Variants in IL1RAPL1 observed in about 807,000 individuals in gnomAD.
IL1RAPL1 encodes the protein interleukin 1 receptor accessory protein like 1.
A neutral mutation model predicts 48.4 loss-of-function variants in IL1RAPL1; 3 were observed. The observed-to-expected ratio is 0.06, with a 90% CI of 0.03 to 0.16. The LOEUF (loss-of-function observed/expected upper bound fraction) is 0.16. Among genes scored for constraint, IL1RAPL1 ranks in the 10% least tolerant of loss-of-function variants. The pLI is 1.00. For synonymous variants in IL1RAPL1, 185 were observed against 187.7 expected (o/e 0.99, Z 0.12); for missense variants, 349 against 530.6 (o/e 0.66, Z 3.36).
At chrX:28,905,905 A>G (rs770183495) in intron 2 of IL1RAPL1, among the ~76,000 whole-genome samples, 41 of 111,938 alleles carry the variant, frequency 3.7e-4, no homozygotes, top group Non-Finnish European at 9.4e-5. Context: ...GTGAAAACTG[A>G]AAGAAGGCAA....
At chrX:29,195,551 T>G (rs775761132) in intron 2 of IL1RAPL1, among the ~76,000 whole-genome samples, 1 of 96,202 alleles carries the variant, frequency 1.0e-5, no homozygotes, top group East Asian at 3.4e-4. Context: ...TTTATCTAAC[T>G]AATTACTTTT....
At chrX:29,061,861 C>G (rs749243218) in intron 2 of IL1RAPL1, among the ~76,000 whole-genome samples, 5 of 112,339 alleles carry the variant, frequency 4.5e-5, no homozygotes, top group Non-Finnish European at 7.5e-5. Context: ...GTTGTCATTT[C>G]AAAACCAAAG....
intron 2 of IL1RAPL1, among the ~76,000 whole-genome samples, chrX:29,214,157 A>C (rs1284101712): frequency 8.9e-6 from 1 of 111,773 alleles, no homozygotes; most frequent in Non-Finnish European, 1.9e-5. Context: ...GCACATGTGT[A>C]CATTTTGTGT....
rs1034318428 is a variant in IL1RAPL1, at chrX:29,758,780, A to AAAAAC, written c.778+90291_778+90295dup. Among the ~76,000 whole-genome samples the AAAAAC allele has an allele frequency of 8.1e-5, 9 of 111,394 alleles. No individual in the cohort carries two copies. In the South Asian group the frequency reaches 3.0e-3, roughly 37 times the overall value. Reference sequence around the variant, plus strand: ...AGTATTGGCCATTATTCCTAATGTAAAAAACAAAACAAAACAAAAAAACAA... The same window carrying AAAAAC: ...AGTATTGGCCATTATTCCTAATGTAAAAAACAAAACAAAACAAAACAAAAAAACAA... On this transcript the variant is annotated intron_variant, in intron 6 of 10. Coordinates refer to ENST00000378993, the MANE Select transcript of IL1RAPL1 (RefSeq NM_014271.4).
intron 6 of IL1RAPL1, among the ~76,000 whole-genome samples, chrX:29,832,007 A>AC (rs1215184670): frequency 2.7e-5 from 3 of 111,684 alleles, no homozygotes; most frequent in Non-Finnish European, 5.6e-5. Flanking sequence ...AATGCTGTCA[A>AC]CCCGTGGGAC....
intron 2 of IL1RAPL1, among the ~76,000 whole-genome samples, chrX:28,834,356 G>GT (rs1338873870): frequency 9.0e-6 from 1 of 111,154 alleles, no homozygotes; most frequent in Non-Finnish European, 1.9e-5. Flanking sequence ...TCTTTATTGA[G>GT]TTTTTTCACA....
intron 1 of IL1RAPL1, among the ~76,000 whole-genome samples, chrX:28,626,175 ATC>A (rs1042615270): frequency 3.3e-4 from 37 of 112,402 alleles, no homozygotes; most frequent in Admixed American, 1.1e-3. Flanking sequence ...CTACACAGAT[ATC>A]TCTTTTTGTA....
intron 2 of IL1RAPL1, among the ~76,000 whole-genome samples, chrX:29,250,317 G>A (rs915945641): frequency 2.7e-5 from 3 of 112,271 alleles, no homozygotes; most frequent in Non-Finnish European, 5.6e-5. Flanking sequence ...TATTTGATGA[G>A]CATCCTGGGG....
At chrX:29,460,366 T>G (rs1341508645) in intron 5 of IL1RAPL1, among the ~76,000 whole-genome samples, 3 of 112,279 alleles carry the variant, frequency 2.7e-5, no homozygotes, top group Middle Eastern at 4.6e-3. Flanking sequence ...GACATTCACA[T>G]TTGCTGGGCG....
chrX:29,323,740 T>TATATAAA (rs1932823330), intron 3 of IL1RAPL1, among the ~76,000 whole-genome samples: 1 of 22,157 alleles, frequency 4.5e-5, no homozygotes, highest in African/African-American at 3.3e-4. Context: ...TATATATATA[T>TATATAAA]ATATATATAT....
chrX:28,782,007 T>C (rs1456985067), intron 1 of IL1RAPL1, among the ~76,000 whole-genome samples: 1 of 111,818 alleles, frequency 8.9e-6, no homozygotes, highest in Non-Finnish European at 1.9e-5. Context: ...TTTATTTTTA[T>C]TTGACAAATT....
chrX:28,896,352 C>A (rs1922917997), intron 2 of IL1RAPL1, among the ~76,000 whole-genome samples: 1 of 111,359 alleles, frequency 9.0e-6, no homozygotes, highest in African/African-American at 3.3e-5. Flanking sequence ...GCCTTTTGAC[C>A]CTTTAGGGTC....
chrX:29,671,900 A>G (rs1926151323), intron 6 of IL1RAPL1, among the ~76,000 whole-genome samples: 1 of 112,408 alleles, frequency 8.9e-6, no homozygotes, highest in South Asian at 3.7e-4. Context: ...ACTGAAAATT[A>G]TCATTAATTA....
At chrX:29,888,036 C>T (rs12558491) in intron 6 of IL1RAPL1, among the ~76,000 whole-genome samples, 6,598 of 111,325 alleles carry the variant, frequency 0.059, 197 homozygotes, top group Admixed American at 0.16. Context: ...AATTCTGTCG[C>T]AATACAAAGT....
intron 2 of IL1RAPL1, among the ~76,000 whole-genome samples, chrX:29,100,902 T>G (rs1316587085): frequency 8.9e-6 from 1 of 112,104 alleles, no homozygotes; most frequent in Non-Finnish European, 1.9e-5. Flanking sequence ...TACTATTATA[T>G]TTTGAAATAT....
intron 3 of IL1RAPL1, among the ~76,000 whole-genome samples, chrX:29,387,967 T>A (rs1293741638): frequency 9.6e-6 from 1 of 104,633 alleles, no homozygotes; most frequent in African/African-American, 3.5e-5. Flanking sequence ...CACTCCAGGC[T>A]GGGCGAAAGA....
intron 2 of IL1RAPL1, among the ~76,000 whole-genome samples, chrX:28,880,976 T>C (rs1922488229): frequency 8.9e-6 from 1 of 111,784 alleles, no homozygotes; most frequent in African/African-American, 3.2e-5. Context: ...TAATACATGC[T>C]CATTTTCATT....
intron 5 of IL1RAPL1, among the ~76,000 whole-genome samples, chrX:29,624,336 TACTC>T (rs1200839193): frequency 8.9e-6 from 1 of 112,089 alleles, no homozygotes; most frequent in Admixed American, 9.5e-5. Flanking sequence ...ATTGTAATGA[TACTC>T]AATTATGTAT....
At chrX:29,044,395 A>G (rs1926910897) in intron 2 of IL1RAPL1, among the ~76,000 whole-genome samples, 1 of 110,846 alleles carries the variant, frequency 9.0e-6, no homozygotes, top group African/African-American at 3.3e-5. Flanking sequence ...GCGCCACTAC[A>G]CTCCAGCCTA....
Sources: gnomAD v4.1 joint callset for allele counts (sites outside exome capture counted in the v4.1 genomes callset) on GRCh38, gnomAD v4.1.1 for gene constraint, MANE v1.5 for transcripts, NCBI Gene and HGNC (gene_info 2026-07-23, HGNC 2026-07-21) for gene names.